DEPTOR: variants seen among roughly 807,000 people sequenced by gnomAD.
DEPTOR encodes the protein DEP domain-containing mTOR-interacting protein.
Under a neutral mutation model 41.6 loss-of-function variants are expected in DEPTOR, and 41 were observed. The ratio of observed to expected loss-of-function variants is 0.98; its 90% confidence interval spans 0.77 to 1.28. DEPTOR has a LOEUF of 1.28. DEPTOR is among the 50% of genes most tolerant of loss of function. The pLI, the probability that DEPTOR is intolerant of heterozygous loss-of-function variation, is 0.00. For missense variants in DEPTOR, 514 were observed against 527.9 expected, an observed-to-expected ratio of 0.97 and a Z score of 0.26; for synonymous variants, 195 against 192.3, an observed-to-expected ratio of 1.01 and a Z score of -0.12.
At chr8:120,030,526 A>G (rs1401811) in intron 8 of DEPTOR, among the ~76,000 whole-genome samples, 14,644 of 34,634 alleles carry the variant, frequency 0.42, 1,988 homozygotes, top group Middle Eastern at 0.52. Context: ...TTTTTTTTTT[A>G]GCTGGAGTCT....
At chr8:120,020,195 T>C (rs2176749) in intron 8 of DEPTOR, among the ~76,000 whole-genome samples, 123,455 of 152,034 alleles carry the variant, frequency 0.81, 50,205 homozygotes, top group African/African-American at 0.83. Flanking sequence ...TTAAGCGATC[T>C]TCCTTCCTCA....
At chr8:119,890,361 G>T (rs181127244) in intron 1 of DEPTOR, among the ~76,000 whole-genome samples, 152 of 152,088 alleles carry the variant, frequency 1.0e-3, no homozygotes, top group Admixed American at 8.2e-3. Context: ...GGAGTGCAGT[G>T]GCACAATCTT....
intron 4 of DEPTOR, among the ~76,000 whole-genome samples, chr8:119,974,288 G>A: frequency 6.7e-6 from 1 of 149,848 alleles, no homozygotes. Context: ...TGATGATTGA[G>A]GCTAAAGGCA....
intron 8 of DEPTOR, among the ~76,000 whole-genome samples, chr8:120,039,791 T>A (rs1276857744): frequency 6.6e-6 from 1 of 152,166 alleles, no homozygotes; most frequent in African/African-American, 2.4e-5. Context: ...AATAGCAAAA[T>A]TTGGCTCTAA....
At chr8:120,012,525 C>CTTTGTT (rs909016375) in intron 8 of DEPTOR, among the ~76,000 whole-genome samples, 7 of 151,628 alleles carry the variant, frequency 4.6e-5, no homozygotes, top group South Asian at 2.1e-4. Flanking sequence ...TTAAAGCATT[C>CTTTGTT]TTTGTTTTTG....
At chr8:119,879,899 T>A (rs917439144) in intron 1 of DEPTOR, among the ~76,000 whole-genome samples, 1 of 152,076 alleles carries the variant, frequency 6.6e-6, no homozygotes, top group Non-Finnish European at 1.5e-5. Context: ...ATCCCAGGAC[T>A]TTGGTAGGCT....
At chr8:120,039,228 C>G (rs1813022630) in intron 8 of DEPTOR, among the ~76,000 whole-genome samples, 1 of 152,158 alleles carries the variant, frequency 6.6e-6, no homozygotes, top group Non-Finnish European at 1.5e-5. Flanking sequence ...GTGCCATCTA[C>G]AAAGAGGCAG....
At chr8:119,908,492 G>A (rs140250606) in intron 1 of DEPTOR, among the ~76,000 whole-genome samples, 7 of 149,730 alleles carry the variant, frequency 4.7e-5, no homozygotes, top group African/African-American at 1.8e-4. Context: ...ACTTCTGTGA[G>A]CCTTCCTAAC....
chr8:119,944,827 T>G (rs1482288336), intron 3 of DEPTOR, among the ~76,000 whole-genome samples: 2 of 152,074 alleles, frequency 1.3e-5, no homozygotes, highest in Non-Finnish European at 2.9e-5. Flanking sequence ...GCTAATTTTT[T>G]GTATTTTTAG....
chr8:119,993,648 GGT>G (rs1415696036), intron 4 of DEPTOR, among the ~76,000 whole-genome samples: 1 of 152,072 alleles, frequency 6.6e-6, no homozygotes, highest in African/African-American at 2.4e-5. Flanking sequence ...ATAATACGAA[GGT>G]CCTGTATATC....
intron 1 of DEPTOR, among the ~76,000 whole-genome samples, chr8:119,879,164 A>C (rs1203781205): frequency 2.0e-5 from 3 of 152,144 alleles, no homozygotes. Context: ...TGGGTATAAC[A>C]AAAAAGACAG....
rs899729454 is a variant in DEPTOR at position 120,050,696 on chromosome 8, C to T, written c.*992C>T. ...GGGGATTATTTTTCACCAAAATGAT[C>T]ATCTTGTGTTGTAACTTTTCAGCTC... On this transcript the variant is annotated 3_prime_UTR_variant, in exon 9 of 9. Transcript: ENST00000286234. 1 of 152,042 alleles carries T rather than the reference C, an allele frequency of 6.6e-6. No individual in the cohort carries two copies. Among genetic ancestry groups the T allele is most frequent in the African/African-American group, 2.4e-5 (1 of 41,390 alleles). 9.4% of individuals were successfully genotyped at this position (152,042 alleles called of 1,614,324 possible).
intron 3 of DEPTOR, among the ~76,000 whole-genome samples, chr8:119,937,108 C>G (rs777461089): frequency 1.3e-5 from 2 of 151,836 alleles, no homozygotes; most frequent in Non-Finnish European, 2.9e-5. Context: ...AAATTGCAAA[C>G]TGTAATAAAA....
rs181071229 is a variant in DEPTOR, at chr8:119,965,957, G to A, written c.604+547G>A. ...TACTGGTTAAGAAGTGTTTTAGTCAGCCCTTTGTATCTGTGGGTTCTGCAT... is the reference window on the plus strand; with the variant it reads ...TACTGGTTAAGAAGTGTTTTAGTCAACCCTTTGTATCTGTGGGTTCTGCAT... On this transcript the variant is annotated intron_variant, in intron 4 of 8. Coordinates refer to ENST00000286234, the MANE Select transcript of DEPTOR (RefSeq NM_022783.4). 2.6e-4 allele frequency among the ~76,000 whole-genome samples: 40 copies of A among 152,276 alleles called. 2 individuals carry two copies. The East Asian group carries it at 7.1e-3, about 27-fold the overall frequency.
Position 120,049,564 on chromosome 8 carries a change from T to C in DEPTOR, c.1102-12T>C. On this transcript the variant is annotated splice_polypyrimidine_tract_variant and intron_variant, in intron 8 of 8. Transcript: ENST00000286234. The stretch of plus-strand genomic sequence containing the variant: ...CTATAATAGATGCTCTTTCTTTGCA[T>C]CTTTCCTTTAGGTCTGTCAGTTTGT... 6.2e-7 allele frequency: 1 copy of C among 1,612,176 alleles called. No individual in the cohort carries two copies. Among genetic ancestry groups the C allele is most frequent in the Non-Finnish European group, 8.5e-7 (1 of 1,178,592 alleles).
At chr8:119,911,295 G>A (rs1291535306) in intron 1 of DEPTOR, among the ~76,000 whole-genome samples, 3 of 145,966 alleles carry the variant, frequency 2.1e-5, no homozygotes, top group Admixed American at 7.2e-5. Context: ...CCAGGACCAT[G>A]CTATGTACAC....
chr8:119,928,959 A>G (rs1828005032), intron 2 of DEPTOR, among the ~76,000 whole-genome samples: 1 of 152,126 alleles, frequency 6.6e-6, no homozygotes, highest in African/African-American at 2.4e-5. Flanking sequence ...AATGCATCAT[A>G]TTGTTTTAAA....
At chr8:119,967,334 C>T (rs1828574943) in intron 4 of DEPTOR, among the ~76,000 whole-genome samples, 1 of 151,438 alleles carries the variant, frequency 6.6e-6, no homozygotes, top group Non-Finnish European at 1.5e-5. Context: ...TCTGCCTCAG[C>T]CTTCCAAAGT....
intron 4 of DEPTOR, among the ~76,000 whole-genome samples, chr8:119,982,546 T>C (rs1828781833): frequency 6.6e-6 from 1 of 152,242 alleles, no homozygotes; most frequent in African/African-American, 2.4e-5. Context: ...CTATCTGCGT[T>C]GTGTTTAGCA....
Sources: allele counts gnomAD v4.1 joint callset (sites outside exome capture counted in the v4.1 genomes callset), GRCh38; gene constraint gnomAD v4.1.1; transcripts MANE v1.5; gene names NCBI Gene and HGNC (gene_info 2026-07-23, HGNC 2026-07-21).